DYNC1I2: variants seen among roughly 807,000 people sequenced by gnomAD.
DYNC1I2 encodes the protein dynein cytoplasmic 1 intermediate chain 2.
A neutral mutation model predicts 88.6 loss-of-function variants in DYNC1I2; 53 were observed. The observed-to-expected ratio is 0.60, with a 90% confidence interval of 0.48 to 0.75. The LOEUF is 0.75. Among genes scored for constraint, DYNC1I2 ranks in the 30% least tolerant of loss-of-function variants. The probability of loss-of-function intolerance (pLI) is 0.00; values close to 1 mark genes in which losing one functional copy is unlikely to be tolerated. For synonymous variants in DYNC1I2, 198 were observed against 254.6 expected, an observed-to-expected ratio of 0.78 and a Z score of 2.12; for missense variants, 458 against 766.6, an observed-to-expected ratio of 0.60 and a Z score of 4.75.
chr2:171,710,531 C>T (rs1470572704), intron 5 of DYNC1I2, among the ~76,000 whole-genome samples: 2 of 152,008 alleles, frequency 1.3e-5, no homozygotes, highest in African/African-American at 4.8e-5. Flanking sequence ...ACTCTAAGTG[C>T]CAAGAATTTC....
intron 15 of DYNC1I2, among the ~76,000 whole-genome samples, chr2:171,740,816 C>A (rs1689371226): frequency 6.6e-6 from 1 of 152,054 alleles, no homozygotes; most frequent in African/African-American, 2.4e-5. Context: ...AACCCTTATA[C>A]CATGAAATTC....
At chr2:171,702,532 CTTGT>C (rs1353713252) in intron 3 of DYNC1I2, among the ~76,000 whole-genome samples, 1 of 144,364 alleles carries the variant, frequency 6.9e-6, no homozygotes, top group Non-Finnish European at 1.5e-5. Flanking sequence ...AGGATGGATA[CTTGT>C]TTTTCTTTTC....
intron 15 of DYNC1I2, among the ~76,000 whole-genome samples, chr2:171,738,680 G>A (rs1450280052): frequency 1.3e-5 from 2 of 152,152 alleles, no homozygotes; most frequent in Non-Finnish European, 2.9e-5. Context: ...TTTTGAAGAA[G>A]TACACTATCA....
rs1190077589 is a variant in DYNC1I2 at position 171,748,573 on chromosome 2, T to TC, written c.*687dup. Among the ~76,000 whole-genome samples, 1 of 152,190 alleles carries TC rather than the reference T, an allele frequency of 6.6e-6. No homozygotes were observed. The highest frequency in any genetic ancestry group is 1.5e-5 in the Non-Finnish European group (1 of 68,006). ...TACCATGTGGTATATACTATAGATCTCCCAGTGCATTATGAATTGATGTCT... is the reference window on the plus strand; with the variant it reads ...TACCATGTGGTATATACTATAGATCTCCCCAGTGCATTATGAATTGATGTCT... On this transcript the variant is annotated 3_prime_UTR_variant, in exon 18 of 18. Coordinates refer to ENST00000397119, the MANE Select transcript of DYNC1I2 (RefSeq NM_001378.3).
At chr2:171,703,374 TACA>T (rs1423330575) in intron 3 of DYNC1I2, among the ~76,000 whole-genome samples, 3 of 152,002 alleles carry the variant, frequency 2.0e-5, no homozygotes, top group Non-Finnish European at 1.5e-5. Context: ...TAGCTGGGAC[TACA>T]GCCATGCGCC....
At chr2:171,694,880 C>G (rs1685649364) in intron 3 of DYNC1I2, among the ~76,000 whole-genome samples, 1 of 152,130 alleles carries the variant, frequency 6.6e-6, no homozygotes, top group South Asian at 2.1e-4. Flanking sequence ...CCAAACATCT[C>G]CCACTAGGCC....
At chr2:171,733,172 C>A (rs1300927808) in intron 15 of DYNC1I2, among the ~76,000 whole-genome samples, 1 of 152,206 alleles carries the variant, frequency 6.6e-6, no homozygotes, top group Non-Finnish European at 1.5e-5. Flanking sequence ...AGGACATGAT[C>A]TCATTCCTTC....
At chr2:171,705,100 A>G (rs1686576976) in intron 3 of DYNC1I2, among the ~76,000 whole-genome samples, 1 of 148,980 alleles carries the variant, frequency 6.7e-6, no homozygotes, top group Non-Finnish European at 1.5e-5. Context: ...ACTGTGATTT[A>G]TTTTGGCTTT....
chr2:171,714,787 A>G (rs1261497407), intron 6 of DYNC1I2, among the ~76,000 whole-genome samples: 3 of 152,198 alleles, frequency 2.0e-5, no homozygotes, highest in African/African-American at 7.2e-5. Flanking sequence ...GAGATTTAAA[A>G]GTTTTAAATA....
intron 7 of DYNC1I2, among the ~76,000 whole-genome samples, chr2:171,717,491 G>A (rs1380595260): frequency 6.6e-6 from 1 of 151,768 alleles, no homozygotes; most frequent in Non-Finnish European, 1.5e-5. Context: ...TCCATTGGTT[G>A]GTAAGATATC....
chr2:171,712,654 G>T, intron 5 of DYNC1I2, 113 bp from the exon 6 acceptor site: 1 of 743,606 alleles, frequency 1.3e-6, no homozygotes, highest in Non-Finnish European at 2.3e-6. Flanking sequence ...ACCAGAACAT[G>T]TGTTTTTTAA....
intron 15 of DYNC1I2, among the ~76,000 whole-genome samples, chr2:171,738,027 G>A (rs1052247207): frequency 6.6e-6 from 1 of 151,878 alleles, no homozygotes; most frequent in Non-Finnish European, 1.5e-5. Flanking sequence ...TATAAAAATG[G>A]AATCATAGAG....
At chr2:171,689,470 T>C (rs903463985) in intron 1 of DYNC1I2, among the ~76,000 whole-genome samples, 4 of 152,188 alleles carry the variant, frequency 2.6e-5, no homozygotes, top group Non-Finnish European at 5.9e-5. Flanking sequence ...CTGTGTCATA[T>C]AGCTTAAGAG....
At chr2:171,723,074 A>G in intron 7 of DYNC1I2, among the ~76,000 whole-genome samples, 1 of 152,348 alleles carries the variant, frequency 6.6e-6, no homozygotes, top group Non-Finnish European at 1.5e-5. Context: ...TTTAAAAGGA[A>G]AAGAGTGTCT....
intron 15 of DYNC1I2, among the ~76,000 whole-genome samples, chr2:171,740,181 T>C (rs1189128253): frequency 1.3e-5 from 2 of 152,180 alleles, no homozygotes; most frequent in African/African-American, 4.8e-5. Context: ...TTAATGTGTG[T>C]GGTTGCAGAT....
At chr2:171,716,262 T>C (rs1465498703) in intron 7 of DYNC1I2, among the ~76,000 whole-genome samples, 1 of 152,086 alleles carries the variant, frequency 6.6e-6, no homozygotes, top group East Asian at 1.9e-4. Context: ...CTAGTAGTAT[T>C]TTGGGCATTA....
intron 7 of DYNC1I2, 69 bp from the exon 8 acceptor site, chr2:171,725,549 T>C: frequency 9.5e-7 from 1 of 1,049,664 alleles, no homozygotes; most frequent in Non-Finnish European, 1.3e-6. Context: ...ACCAGCTATT[T>C]TCATTAAAAT....
At chr2:171,726,710 C>G in intron 10 of DYNC1I2, 81 bp from the exon 11 acceptor site, 1 of 1,516,464 alleles carries the variant, frequency 6.6e-7, no homozygotes, top group South Asian at 1.2e-5. Context: ...GAATAATAAT[C>G]TGATAAAGAC....
chr2:171,728,230 G>A (rs1688375506), intron 12 of DYNC1I2, 75 bp from the exon 13 acceptor site: 6 of 878,468 alleles, frequency 6.8e-6, no homozygotes, highest in Non-Finnish European at 1.0e-5. Flanking sequence ...TAAACAGAAT[G>A]CTTATAATTA....
Sources: gnomAD v4.1 joint callset for allele counts (sites outside exome capture counted in the v4.1 genomes callset) on GRCh38, gnomAD v4.1.1 for gene constraint, MANE v1.5 for transcripts, NCBI Gene and HGNC (gene_info 2026-07-23, HGNC 2026-07-21) for gene names.